The following ELFN1 variants were observed in gnomAD, a reference collection of about 807,000 sequenced individuals.
ELFN1 encodes protein ELFN1.
A neutral mutation model predicts 7.6 loss-of-function variants in ELFN1; 6 were observed. The ratio of observed to expected loss-of-function variants is 0.79; its 90% CI spans 0.43 to 1.56. ELFN1 has a LOEUF of 1.56. Among genes scored for constraint, ELFN1 ranks in the 40% most tolerant of loss-of-function variants. The pLI is 0.01. For synonymous variants in ELFN1, 657 were observed against 588.1 expected, an observed-to-expected ratio of 1.12 and a Z score of -1.70; for missense variants, 1,169 against 1,232.2, an observed-to-expected ratio of 0.95 and a Z score of 0.77.
intron 3 of ELFN1, among the ~76,000 whole-genome samples, chr7:1,734,400 A>T (rs1030405663): frequency 9.9e-5 from 15 of 152,260 alleles, no homozygotes; most frequent in African/African-American, 3.6e-4. Flanking sequence ...CCGTGGAAGC[A>T]TAACAGACCA....
chr7:1,682,116 A>G (rs1397632411), intron 1 of ELFN1, among the ~76,000 whole-genome samples: 2 of 152,208 alleles, frequency 1.3e-5, no homozygotes, highest in Admixed American at 1.3e-4. Context: ...ACTTATTATA[A>G]AGTCCAATTT....
At chr7:1,703,906 C>G (rs974260231) in intron 2 of ELFN1, among the ~76,000 whole-genome samples, 1 of 152,196 alleles carries the variant, frequency 6.6e-6, no homozygotes, top group Admixed American at 6.5e-5. Context: ...GGGCTGTCGC[C>G]GGACTGTGTG....
intron 3 of ELFN1, among the ~76,000 whole-genome samples, chr7:1,732,694 A>G (rs1434686350): frequency 6.6e-6 from 1 of 152,110 alleles, no homozygotes; most frequent in Non-Finnish European, 1.5e-5. Flanking sequence ...CGAGCCGCAA[A>G]GCAGGGGAAG....
chr7:1,711,901 C>G (rs923886779), intron 3 of ELFN1, among the ~76,000 whole-genome samples: 2 of 152,214 alleles, frequency 1.3e-5, no homozygotes, highest in South Asian at 4.1e-4. Flanking sequence ...AGCCCAGGAA[C>G]CCCCTGGCCT....
intron 1 of ELFN1, among the ~76,000 whole-genome samples, chr7:1,680,988 C>T (rs900796387): frequency 1.3e-5 from 2 of 152,138 alleles, no homozygotes; most frequent in African/African-American, 2.4e-5. Context: ...GTGATCCACA[C>T]CCCTCAGCCT....
At chr7:1,720,402 G>A (rs928000700) in intron 3 of ELFN1, among the ~76,000 whole-genome samples, 6 of 152,210 alleles carry the variant, frequency 3.9e-5, no homozygotes, top group East Asian at 1.9e-4. Context: ...GCGGGCAAGG[G>A]GCAGCCAGCT....
intron 2 of ELFN1, among the ~76,000 whole-genome samples, chr7:1,697,094 A>G (rs1011986033): frequency 2.0e-5 from 3 of 152,108 alleles, no homozygotes; most frequent in African/African-American, 7.2e-5. Flanking sequence ...ACCCTGTTTG[A>G]TCTGGGCTTC....
intron 3 of ELFN1, among the ~76,000 whole-genome samples, chr7:1,723,202 AT>A (rs1285121382): frequency 2.6e-5 from 4 of 152,038 alleles, no homozygotes; most frequent in Admixed American, 6.6e-5. Context: ...CTCAAAAAAA[AT>A]TTTTTTTCAT....
At chr7:1,669,411 G>A (rs1053938820), upstream of ELFN1, among the ~76,000 whole-genome samples, 18 of 152,044 alleles carry the variant, frequency 1.2e-4, no homozygotes, top group Admixed American at 7.9e-4. Flanking sequence ...GGCGCCGGCC[G>A]TTCTGCGAAC....
rs917003072 is a variant in ELFN1, at chr7:1,732,070, C to T, written c.-293-12234C>T. Among the ~76,000 whole-genome samples, 7 of 152,198 alleles carry T rather than the reference C, an allele frequency of 4.6e-5. No individual in the cohort carries two copies. In the East Asian group the frequency reaches 7.7e-4, roughly 17 times the overall value. ...TCCAGCCCTACCTGCCCCGAGCTTT[C>T]GGTGCAGAAGGTGGACTCTAGGTGG... On this transcript the variant is annotated intron_variant, in intron 3 of 3. Transcript: ENST00000424383.
rs576240639 is a variant in ELFN1 at position 1,709,580 on chromosome 7, C to G, written c.-294+328C>G. 2.0e-5 allele frequency among the ~76,000 whole-genome samples: 3 copies of G among 152,370 alleles called. No homozygotes were observed. The East Asian group carries it at 5.8e-4, about 29-fold the overall frequency. Reference sequence around the variant, plus strand: ...CTTCCCTGACAAGCCAGGATCAGCCCTGAGGATTAGAGGAGACTTCATCTT... The same window carrying G: ...CTTCCCTGACAAGCCAGGATCAGCCGTGAGGATTAGAGGAGACTTCATCTT... On this transcript the variant is annotated intron_variant, in intron 3 of 3. Coordinates refer to ENST00000424383, the MANE Select transcript of ELFN1 (RefSeq NM_001128636.4).
In ELFN1 at chr7:1,746,607, G is replaced by C. The variant is rs1342712321; in HGVS notation, c.2011G>C (p.Glu671Gln). ...KAAAAEAKYI[E>Q]KGSPAADAIL... Reference sequence around the variant, plus strand: ...CGCGGCCGCCGAGGCCAAGTACATCGAGAAGGGCTCCCCCGCGGCCGACGC... The same window carrying C: ...CGCGGCCGCCGAGGCCAAGTACATCCAGAAGGGCTCCCCCGCGGCCGACGC... Residue 671 changes from glutamate (E) to glutamine (Q), a missense_variant, in exon 4 of 4, where the codon GAG becomes CAG. Glu to Gln is a conservative substitution (Grantham distance 29). Around this residue, in one of 2 missense-constraint regions of ELFN1, gnomAD observed 914 missense variants for 872.6 expected, o/e 1.05. Transcript: ENST00000424383. 2.1e-5 allele frequency: 29 copies of C among 1,349,556 alleles called. No homozygotes were observed. The highest frequency in any genetic ancestry group is 2.1e-5 in the Non-Finnish European group (22 of 1,055,190). 83.6% of individuals were successfully genotyped at this position (1,349,556 alleles called of 1,614,324 possible).
chr7:1,746,558 C>G lies in ELFN1; in HGVS notation c.1962C>G (p.Ala654=), dbSNP rs187511802. Reference sequence around the variant, plus strand: ...TGCGCAGCCCCCGCGCCTTCCGAGCCGAGGCCGTCGGGGTGCACAAGGCCG... The same window carrying G: ...TGCGCAGCCCCCGCGCCTTCCGAGCGGAGGCCGTCGGGGTGCACAAGGCCG... The part of the protein sequence containing the change: ...GSVRSPRAFR[A]EAVGVHKAAA... Residue 654 remains alanine, a synonymous_variant, in exon 4 of 4, where the codon GCC becomes GCG. Coordinates refer to ENST00000424383, the MANE Select transcript of ELFN1 (RefSeq NM_001128636.4). 1 of 1,363,712 alleles carries G rather than the reference C, an allele frequency of 7.3e-7. No homozygotes were observed. The allele number at this position is 1,363,712 out of a possible 1,614,324, so 84.5% of individuals were successfully genotyped here.
intron 1 of ELFN1, among the ~76,000 whole-genome samples, chr7:1,684,803 G>A (rs953562764): frequency 4.6e-5 from 7 of 151,820 alleles, no homozygotes; most frequent in South Asian, 2.1e-4. Flanking sequence ...ATATGTTGAC[G>A]TATGTTATAA....
intron 3 of ELFN1, among the ~76,000 whole-genome samples, chr7:1,726,626 G>A (rs1393303591): frequency 6.6e-6 from 1 of 152,214 alleles, no homozygotes; most frequent in Non-Finnish European, 1.5e-5. Context: ...CCCAGGCTCT[G>A]TCCAGGGAGG....
At chr7:1,668,028 C>T (rs1260358673), upstream of ELFN1, among the ~76,000 whole-genome samples, 1 of 152,048 alleles carries the variant, frequency 6.6e-6, no homozygotes, top group African/African-American at 2.4e-5. Context: ...CAGTCCTCTG[C>T]CGTCCCCTCC....
intron 1 of ELFN1, among the ~76,000 whole-genome samples, chr7:1,679,171 G>A (rs1026591087): frequency 9.6e-5 from 14 of 145,938 alleles, no homozygotes; most frequent in Non-Finnish European, 1.3e-4. Context: ...GTGCACACAC[G>A]TACGCGCGCA....
At chr7:1,715,578 C>T (rs1333838770) in intron 3 of ELFN1, among the ~76,000 whole-genome samples, 2 of 152,240 alleles carry the variant, frequency 1.3e-5, no homozygotes, top group African/African-American at 4.8e-5. Flanking sequence ...TTCCCCGCTG[C>T]AATCAGCCTC....
rs548445214 is a variant in ELFN1 at position 1,717,151 on chromosome 7, C to G, written c.-294+7899C>G. 4.6e-5 allele frequency among the ~76,000 whole-genome samples: 7 copies of G among 152,286 alleles called. No individual in the cohort carries two copies. The South Asian group carries it at 1.5e-3, about 32-fold the overall frequency. On this transcript the variant is annotated intron_variant, in intron 3 of 3. Transcript: ENST00000424383. ...TGAGCGATAGGCATCAGTGGTGCCG[C>G]CGCACGCAGGAAATAGAGGCAGACA...
Sources: allele counts gnomAD v4.1 joint callset (sites outside exome capture counted in the v4.1 genomes callset), GRCh38; gene constraint gnomAD v4.1.1; regional missense constraint gnomAD v4.1.1; transcripts MANE v1.5; gene names NCBI Gene and HGNC (gene_info 2026-07-23, HGNC 2026-07-21).